The following CRPPA variants were observed in gnomAD, a reference collection of about 807,000 sequenced individuals.
CRPPA encodes the protein CDP-L-ribitol pyrophosphorylase A, also known as D-ribitol-5-phosphate cytidylyltransferase.
CRPPA carries 43 observed loss-of-function variants against 52.0 expected under a neutral mutation model. The observed-to-expected ratio is 0.83, with a 90% CI of 0.65 to 1.07. The LOEUF is 1.07. Among genes scored for constraint, CRPPA ranks in the 50% least tolerant of loss-of-function variants. CRPPA has a pLI of 0.00. For missense variants in CRPPA, 629 were observed against 551.7 expected, an observed-to-expected ratio of 1.14 and a Z score of -1.40; for synonymous variants, 250 against 203.5, an observed-to-expected ratio of 1.23 and a Z score of -1.94.
chr7:16,170,138 T>A (rs1781148693), intron 9 of CRPPA, among the ~76,000 whole-genome samples: 1 of 152,092 alleles, frequency 6.6e-6, no homozygotes, highest in South Asian at 2.1e-4. Flanking sequence ...TAGGATGTGA[T>A]TTTTTTTAAT....
At chr7:16,260,733 A>G (rs1783771877) in intron 6 of CRPPA, among the ~76,000 whole-genome samples, 1 of 151,822 alleles carries the variant, frequency 6.6e-6, no homozygotes, top group Admixed American at 6.6e-5. Flanking sequence ...AGAAAAAAAA[A>G]AATCTTACTT....
At chr7:16,285,337 G>C (rs1489774876) in intron 5 of CRPPA, among the ~76,000 whole-genome samples, 3 of 152,022 alleles carry the variant, frequency 2.0e-5, no homozygotes, top group Non-Finnish European at 4.4e-5. Flanking sequence ...AATGATACAT[G>C]ACCTGTCAAC....
intron 3 of CRPPA, among the ~76,000 whole-genome samples, chr7:16,323,485 G>T (rs1172182785): frequency 6.6e-6 from 1 of 152,136 alleles, no homozygotes; most frequent in Non-Finnish European, 1.5e-5. Context: ...ATCTCCATGA[G>T]AAGAACATGG....
At chr7:16,105,970 A>C (rs1782142564) in intron 9 of CRPPA, among the ~76,000 whole-genome samples, 1 of 152,132 alleles carries the variant, frequency 6.6e-6, no homozygotes, top group South Asian at 2.1e-4. Flanking sequence ...AGAAAGTCAA[A>C]CAGTGGCTCC....
At chr7:16,192,440 T>C (rs898289545) in intron 9 of CRPPA, among the ~76,000 whole-genome samples, 3 of 152,122 alleles carry the variant, frequency 2.0e-5, no homozygotes, top group African/African-American at 7.2e-5. Context: ...TGAGGTATTA[T>C]TGACACTACA....
intron 4 of CRPPA, among the ~76,000 whole-genome samples, chr7:16,307,458 G>A (rs1316818860): frequency 6.6e-6 from 1 of 151,938 alleles, no homozygotes; most frequent in Non-Finnish European, 1.5e-5. Flanking sequence ...GAGGCAGGCA[G>A]ATAGCCTGAG....
chr7:16,279,558 C>T (rs1784278241), intron 5 of CRPPA, among the ~76,000 whole-genome samples: 1 of 152,092 alleles, frequency 6.6e-6, no homozygotes, highest in South Asian at 2.1e-4. Flanking sequence ...TAAAAGTCAA[C>T]ATAATTAAAA....
At chr7:16,327,509 C>G (rs1012601845) in intron 3 of CRPPA, among the ~76,000 whole-genome samples, 13 of 143,696 alleles carry the variant, frequency 9.0e-5, no homozygotes, top group African/African-American at 3.4e-4. Flanking sequence ...AGGAGAATGG[C>G]GTGAACCTGG....
At position 16,387,068 on chromosome 7, in the gene CRPPA, T is replaced by TATATATATATATATACAC. The variant is rs1554352502; in HGVS notation, c.535-10828_535-10827insGTGTATATATATATATAT. 5.9e-3 allele frequency among the ~76,000 whole-genome samples: 407 copies of TATATATATATATATACAC among 68,716 alleles called. 3 individuals are homozygous for TATATATATATATATACAC. Among genetic ancestry groups the TATATATATATATATACAC allele is most frequent in the Non-Finnish European group, 8.2e-3 (303 of 37,030 alleles). 45.1% of individuals were successfully genotyped at this position (68,716 alleles called of 152,430 possible). A position where few individuals can be genotyped will look rare whatever the true frequency, so the allele number is the denominator to read the frequency against. On this transcript the variant is annotated intron_variant, in intron 2 of 9. Transcript: ENST00000407010. ...AGATATATATATATATATATATATA[T>TATATATATATATATACAC]ATATATATATATATATATACACACA...
intron 9 of CRPPA, among the ~76,000 whole-genome samples, chr7:16,182,093 C>A (rs905116220): frequency 6.6e-6 from 1 of 151,832 alleles, no homozygotes; most frequent in Admixed American, 6.6e-5. Context: ...ATATGTAATA[C>A]GTAGTCTGCA....
At chr7:16,344,341 G>A (rs1203196441) in intron 3 of CRPPA, among the ~76,000 whole-genome samples, 1 of 148,526 alleles carries the variant, frequency 6.7e-6, no homozygotes, top group South Asian at 2.1e-4. Context: ...CAAGGCAGGT[G>A]GGATCACTTG....
At chr7:16,407,113 T>A (rs529360546) in intron 1 of CRPPA, among the ~76,000 whole-genome samples, 5 of 152,276 alleles carry the variant, frequency 3.3e-5, no homozygotes, top group Non-Finnish European at 4.4e-5. Context: ...GTAGCTGGGA[T>A]TACAGACACC....
At chr7:16,227,061 A>C (rs1782671057) in intron 8 of CRPPA, among the ~76,000 whole-genome samples, 1 of 151,918 alleles carries the variant, frequency 6.6e-6, no homozygotes, top group Non-Finnish European at 1.5e-5. Context: ...CGTTGTTGCA[A>C]ATGCCAGGAT....
intron 3 of CRPPA, among the ~76,000 whole-genome samples, chr7:16,349,860 C>A (rs954690614): frequency 3.3e-5 from 5 of 151,896 alleles, no homozygotes; most frequent in African/African-American, 7.3e-5. Context: ...TAATAACAAA[C>A]TTCCCAAGGC....
At chr7:16,324,982 T>C (rs1247188541) in intron 3 of CRPPA, among the ~76,000 whole-genome samples, 1 of 152,214 alleles carries the variant, frequency 6.6e-6, no homozygotes, top group Non-Finnish European at 1.5e-5. Flanking sequence ...TTTCTTGTCA[T>C]TCCCTGCCTG....
intron 8 of CRPPA, among the ~76,000 whole-genome samples, chr7:16,225,539 G>A (rs1024825309): frequency 6.6e-6 from 1 of 151,852 alleles, no homozygotes; most frequent in African/African-American, 2.4e-5. Context: ...AAAACTGTCA[G>A]AATATAAATC....
chr7:16,217,188 C>T (rs574889796), intron 8 of CRPPA, among the ~76,000 whole-genome samples: 1 of 144,574 alleles, frequency 6.9e-6, no homozygotes, highest in Admixed American at 7.0e-5. Context: ...CACACTGACA[C>T]CTCACACGGC....
At chr7:16,409,225 G>A (rs1788024198) in intron 1 of CRPPA, among the ~76,000 whole-genome samples, 3 of 152,094 alleles carry the variant, frequency 2.0e-5, no homozygotes, top group Admixed American at 1.3e-4. Context: ...AGAGAAAGGC[G>A]AGGAAATGGA....
chr7:16,348,369 G>A lies in CRPPA; in HGVS notation c.684+27723C>T, dbSNP rs1786066898. On this transcript the variant is annotated intron_variant, in intron 3 of 9. Coordinates refer to ENST00000407010, the MANE Select transcript of CRPPA (RefSeq NM_001101426.4). ...CAATTTTATACGAGCAAACAAGCAT[G>A]TCCAGGGGCTTAATCCCCTGAGAGT... Among the ~76,000 whole-genome samples, 3 of 152,140 alleles carry A rather than the reference G, an allele frequency of 2.0e-5. No individual in the cohort carries two copies. In the South Asian group the frequency reaches 6.2e-4, roughly 32 times the overall value.
Sources: allele counts gnomAD v4.1 joint callset (sites outside exome capture counted in the v4.1 genomes callset), GRCh38; gene constraint gnomAD v4.1.1; transcripts MANE v1.5; gene names NCBI Gene and HGNC (gene_info 2026-07-23, HGNC 2026-07-21).